The following KCTD16 variants were observed in gnomAD, a reference collection of about 807,000 sequenced individuals.
The protein encoded by KCTD16 is potassium channel tetramerization domain containing 16, also known as BTB/POZ domain-containing protein KCTD16.
A neutral mutation model predicts 33.2 loss-of-function variants in KCTD16; 13 were observed. The observed-to-expected ratio is 0.39, with a 90% CI of 0.25 to 0.62. KCTD16 has a LOEUF of 0.62. Ranked by LOEUF, KCTD16 falls within the 20% of genes least tolerant of loss-of-function variation. The pLI, the probability that KCTD16 is intolerant of heterozygous loss-of-function variation, is 0.50. For missense variants in KCTD16, 441 were observed against 525.1 expected (o/e 0.84, Z 1.57); for synonymous variants, 197 against 195.3 (o/e 1.01, Z -0.07).
intron 3 of KCTD16, among the ~76,000 whole-genome samples, chr5:144,379,283 T>A (rs932314402): frequency 2.0e-5 from 3 of 152,200 alleles, no homozygotes; most frequent in African/African-American, 7.2e-5. Context: ...ATATTTAGGC[T>A]GTGTTTACAC....
In KCTD16 at chr5:144,484,383, G is replaced by A. The variant is rs1424398838; in HGVS notation, c.*10269G>A. On this transcript the variant is annotated 3_prime_UTR_variant, in exon 4 of 4. Transcript: ENST00000512467. Reference sequence around the variant, plus strand: ...CACCCAGCTTAGTCTGTAAAATCAGGAATCTTTGTGTTGGCTGAAGGAACT... The same window carrying A: ...CACCCAGCTTAGTCTGTAAAATCAGAAATCTTTGTGTTGGCTGAAGGAACT... 1 of 151,866 alleles carries A rather than the reference G, an allele frequency of 6.6e-6. No individual in the cohort carries two copies. Among genetic ancestry groups the A allele is most frequent in the Non-Finnish European group, 1.5e-5 (1 of 67,870 alleles). 9.4% of individuals were successfully genotyped at this position (151,866 alleles called of 1,614,324 possible).
intron 3 of KCTD16, among the ~76,000 whole-genome samples, chr5:144,394,943 T>G (rs138549947): frequency 2.0e-5 from 3 of 152,292 alleles, no homozygotes; most frequent in African/African-American, 4.8e-5. Flanking sequence ...CTATTCTTGA[T>G]GAGATGACAA....
At chr5:144,350,480 A>G (rs1751392076) in intron 3 of KCTD16, among the ~76,000 whole-genome samples, 1 of 152,194 alleles carries the variant, frequency 6.6e-6, no homozygotes, top group East Asian at 1.9e-4. Context: ...TCTGAATTAT[A>G]CATTAGTGAC....
intron 3 of KCTD16, among the ~76,000 whole-genome samples, chr5:144,321,651 A>G (rs894294497): frequency 3.3e-5 from 5 of 152,166 alleles, no homozygotes; most frequent in Admixed American, 2.6e-4. Flanking sequence ...GCCTTATTCT[A>G]TTAGATAAGA....
intron 3 of KCTD16, among the ~76,000 whole-genome samples, chr5:144,270,496 C>T (rs575008514): frequency 2.4e-4 from 37 of 151,422 alleles, no homozygotes; most frequent in Non-Finnish European, 4.4e-4. Context: ...AAAACCACAA[C>T]ATGTAAAAAC....
At chr5:144,367,167 G>C (rs1751855800) in intron 3 of KCTD16, among the ~76,000 whole-genome samples, 1 of 152,334 alleles carries the variant, frequency 6.6e-6, no homozygotes, top group Middle Eastern at 3.4e-3. Flanking sequence ...GATGAGACCA[G>C]TAATAGATAG....
rs1754728415 is a variant in KCTD16 at position 144,482,698 on chromosome 5, T to TGTGTGA, written c.*8586_*8591dup. 1 of 151,996 alleles carries TGTGTGA rather than the reference T, an allele frequency of 6.6e-6. No individual in the cohort carries two copies. The highest frequency in any genetic ancestry group is 1.9e-4 in the East Asian group (1 of 5,158). 9.4% of individuals were successfully genotyped at this position (151,996 alleles called of 1,614,324 possible). A position where few individuals can be genotyped will look rare whatever the true frequency, so the allele number is the denominator to read the frequency against. Reference sequence around the variant, plus strand: ...ACGTGCATGCATGTGTGAGTGTGTGTGTGTGAGGAGTGTGTGTATTTATGT... The same window carrying TGTGTGA: ...ACGTGCATGCATGTGTGAGTGTGTGTGTGTGAGTGTGAGGAGTGTGTGTATTTATGT... On this transcript the variant is annotated 3_prime_UTR_variant, in exon 4 of 4. Coordinates refer to ENST00000512467, the MANE Select transcript of KCTD16 (RefSeq NM_020768.4).
chr5:144,187,445 CAT>C (rs1316729334), intron 2 of KCTD16, among the ~76,000 whole-genome samples: 1 of 145,286 alleles, frequency 6.9e-6, no homozygotes, highest in African/African-American at 2.6e-5. Context: ...CACACACACA[CAT>C]ATACACACAC....
At chr5:144,298,681 A>C (rs1419913021) in intron 3 of KCTD16, among the ~76,000 whole-genome samples, 1 of 152,130 alleles carries the variant, frequency 6.6e-6, no homozygotes, top group East Asian at 1.9e-4. Context: ...ATCTAGACAA[A>C]CATGAGAACA....
intron 3 of KCTD16, among the ~76,000 whole-genome samples, chr5:144,412,597 A>T (rs1294197890): frequency 6.6e-6 from 1 of 152,130 alleles, no homozygotes; most frequent in East Asian, 1.9e-4. Flanking sequence ...GATCGATCTA[A>T]TGTTTCAGCT....
intron 3 of KCTD16, among the ~76,000 whole-genome samples, chr5:144,313,047 G>T (rs985309588): frequency 6.6e-6 from 1 of 152,156 alleles, no homozygotes; most frequent in Non-Finnish European, 1.5e-5. Flanking sequence ...GAAGAGTGAA[G>T]AAAAAAGTTA....
At chr5:144,330,833 G>C (rs1041383173) in intron 3 of KCTD16, among the ~76,000 whole-genome samples, 10 of 152,188 alleles carry the variant, frequency 6.6e-5, no homozygotes, top group African/African-American at 1.7e-4. Context: ...GAAGCACACA[G>C]TTTTTAATCT....
At chr5:144,198,518 G>A (rs1752978314) in intron 2 of KCTD16, among the ~76,000 whole-genome samples, 1 of 152,116 alleles carries the variant, frequency 6.6e-6, no homozygotes, top group South Asian at 2.1e-4. Context: ...CTTACTTCCT[G>A]CTGTTCCCCA....
In KCTD16 at chr5:144,202,124, G is replaced by T. The variant is rs781090957; in HGVS notation, c.-326-4265G>T. On this transcript the variant is annotated intron_variant, in intron 2 of 3. Coordinates refer to ENST00000512467, the MANE Select transcript of KCTD16 (RefSeq NM_020768.4). ...GCTTGAATATTACAAAGAACAGGATGGAGCATTCTTCCTTGCTCTTCCTCT... is the reference window on the plus strand; with the variant it reads ...GCTTGAATATTACAAAGAACAGGATTGAGCATTCTTCCTTGCTCTTCCTCT... 2.6e-4 allele frequency among the ~76,000 whole-genome samples: 40 copies of T among 152,318 alleles called. 1 individual carries two copies. The highest frequency in any genetic ancestry group is 6.8e-3 in the Middle Eastern group (2 of 294).
chr5:144,276,520 C>A (rs1386001487), intron 3 of KCTD16, among the ~76,000 whole-genome samples: 1 of 152,118 alleles, frequency 6.6e-6, no homozygotes, highest in Non-Finnish European at 1.5e-5. Context: ...TTTATTTCTC[C>A]TAGTCTTCTA....
At chr5:144,200,155 T>A (rs1013787960) in intron 2 of KCTD16, among the ~76,000 whole-genome samples, 2 of 120,072 alleles carry the variant, frequency 1.7e-5, no homozygotes, top group African/African-American at 7.7e-5. Flanking sequence ...CAGAGTAGCA[T>A]AATTTTTTTT....
chr5:144,378,966 G>C (rs187031642), intron 3 of KCTD16, among the ~76,000 whole-genome samples: 80 of 152,264 alleles, frequency 5.3e-4, no homozygotes, highest in African/African-American at 1.9e-3. Flanking sequence ...ATTAATTGTG[G>C]CCTTTCTCTT....
chr5:144,208,194 G>C (rs1300570733), intron 3 of KCTD16, among the ~76,000 whole-genome samples: 1 of 152,148 alleles, frequency 6.6e-6, no homozygotes, highest in South Asian at 2.1e-4. Context: ...CTTCATTTAA[G>C]ATCTATGTAA....
chr5:144,247,260 A>T (rs1754575784), intron 3 of KCTD16, among the ~76,000 whole-genome samples: 1 of 152,192 alleles, frequency 6.6e-6, no homozygotes, highest in South Asian at 2.1e-4. Flanking sequence ...GTAATGAAAG[A>T]CATTGAAGCT....
Sources: gnomAD v4.1 joint callset for allele counts (sites outside exome capture counted in the v4.1 genomes callset) on GRCh38, gnomAD v4.1.1 for gene constraint, MANE v1.5 for transcripts, NCBI Gene and HGNC (gene_info 2026-07-23, HGNC 2026-07-21) for gene names.